The following GRIK3 variants were observed in gnomAD, a reference collection of about 807,000 sequenced individuals.
GRIK3 encodes glutamate receptor ionotropic, kainate 3.
GRIK3 carries 29 observed loss-of-function variants against 102.5 expected under a neutral mutation model. That is an observed-to-expected ratio of 0.28 (90% confidence interval 0.21 to 0.39). The LOEUF (loss-of-function observed/expected upper bound fraction) is 0.39. Among genes scored for constraint, GRIK3 ranks in the 10% least tolerant of loss-of-function variants. GRIK3 has a pLI of 1.00. For synonymous variants in GRIK3, 511 were observed against 504.9 expected, an observed-to-expected ratio of 1.01 and a Z score of -0.16; for missense variants, 908 against 1,252.4, an observed-to-expected ratio of 0.73 and a Z score of 4.15.
chr1:36,819,756 A>G lies in GRIK3; in HGVS notation c.1853T>C (p.Met618Thr), dbSNP rs767404523. The G allele has an allele frequency of 6.3e-7, 1 of 1,587,806 alleles. No homozygotes were observed. Among genetic ancestry groups the G allele is most frequent in the Non-Finnish European group, 8.6e-7 (1 of 1,156,348 alleles). The change falls in exon 12 of 16, where the codon ATG becomes ACG. Residue 618 changes from methionine to threonine, a missense_variant. This residue lies in a region of GRIK3 where 26 missense variants were observed against 64.8 expected (regional missense o/e 0.40). Coordinates refer to ENST00000373091, the MANE Select transcript of GRIK3 (RefSeq NM_000831.4). This position sits in a 1 kb window ranked among gnomAD's most constrained non-coding sequence, Gnocchi z 4.1. Reference sequence around the variant, plus strand: ...CATACCTTGCTGCATCAGGGATCCCATTCCAAACCAGAAGCTGTTAAGCAG... The same window carrying G: ...CATACCTTGCTGCATCAGGGATCCCGTTCCAAACCAGAAGCTGTTAAGCAG... Reference protein sequence around the residue: ...FTLLNSFWFGMGSLMQQGSEL... With the variant: ...FTLLNSFWFGTGSLMQQGSEL...
chr1:36,823,023 T>G (rs1031861375), intron 11 of GRIK3, among the ~76,000 whole-genome samples: 1 of 151,980 alleles, frequency 6.6e-6, no homozygotes, highest in Non-Finnish European at 1.5e-5. Context: ...TGCCCCAGAG[T>G]GGACCTGGGG....
At chr1:37,021,819 T>C (rs1365448024) in intron 1 of GRIK3, among the ~76,000 whole-genome samples, 1 of 152,136 alleles carries the variant, frequency 6.6e-6, no homozygotes, top group South Asian at 2.1e-4. Flanking sequence ...CTCAGTCACA[T>C]TGGTACAGTA....
chr1:36,824,382 C>T (rs1047523115), intron 11 of GRIK3, among the ~76,000 whole-genome samples: 1 of 152,220 alleles, frequency 6.6e-6, no homozygotes, highest in African/African-American at 2.4e-5. Flanking sequence ...ATGAAGGCCT[C>T]TCTGTGGCAG....
intron 1 of GRIK3, among the ~76,000 whole-genome samples, chr1:36,898,014 T>C (rs559834755): frequency 5.3e-4 from 81 of 152,198 alleles, no homozygotes; most frequent in African/African-American, 2.0e-3. Context: ...AATGAGGTCA[T>C]TATACTAAGT....
chr1:36,806,957 A>G lies in GRIK3; in HGVS notation c.2092-631T>C, dbSNP rs1178027482. On this transcript the variant is annotated intron_variant, in intron 13 of 15. Transcript: ENST00000373091. This position sits in a 1 kb window ranked among gnomAD's most constrained non-coding sequence, Gnocchi z 4.0. ...GTCCTGGGCCTCCCCTTTCACTTCA[A>G]CCAATGGAGGCCTCTTTTATGTCCT... 6.6e-6 allele frequency among the ~76,000 whole-genome samples: 1 copy of G among 151,990 alleles called. No homozygotes were observed. The highest frequency in any genetic ancestry group is 1.5e-5 in the Non-Finnish European group (1 of 68,008).
At chr1:37,014,653 C>T (rs1642632968) in intron 1 of GRIK3, among the ~76,000 whole-genome samples, 1 of 152,158 alleles carries the variant, frequency 6.6e-6, no homozygotes, top group African/African-American at 2.4e-5. Context: ...ACCCAGTGGC[C>T]TTTGCTGGGA....
intron 1 of GRIK3, among the ~76,000 whole-genome samples, chr1:36,928,725 C>G (rs1024862561): frequency 1.3e-5 from 2 of 152,196 alleles, no homozygotes; most frequent in Non-Finnish European, 2.9e-5. Context: ...AAAAAAAATC[C>G]CCCCAAACTT....
intron 1 of GRIK3, among the ~76,000 whole-genome samples, chr1:37,007,909 A>C (rs1231341418): frequency 6.6e-6 from 1 of 152,184 alleles, no homozygotes; most frequent in Non-Finnish European, 1.5e-5. Flanking sequence ...TGCAGGGAGC[A>C]TCATGAGCCC....
intron 2 of GRIK3, among the ~76,000 whole-genome samples, chr1:36,890,010 T>A (rs1641084211): frequency 6.6e-6 from 1 of 152,022 alleles, no homozygotes; most frequent in South Asian, 2.1e-4. Flanking sequence ...CTGCACAGGG[T>A]AGGCTGCAGG....
At chr1:36,999,431 G>C (rs1353759870) in intron 1 of GRIK3, among the ~76,000 whole-genome samples, 1 of 152,130 alleles carries the variant, frequency 6.6e-6, no homozygotes, top group Non-Finnish European at 1.5e-5. Flanking sequence ...ACAGGACACA[G>C]CATCTGACCT....
At chr1:36,863,208 G>C (rs1640745987) in intron 5 of GRIK3, among the ~76,000 whole-genome samples, 1 of 152,048 alleles carries the variant, frequency 6.6e-6, no homozygotes, top group African/African-American at 2.4e-5. Flanking sequence ...AGGCTACCCA[G>C]CTCCAGAGCC....
chr1:36,968,166 T>C (rs1642099354), intron 1 of GRIK3, among the ~76,000 whole-genome samples: 1 of 152,094 alleles, frequency 6.6e-6, no homozygotes, highest in Non-Finnish European at 1.5e-5. Context: ...AGCACTATTA[T>C]TCACTTCCTC....
chr1:36,808,908 T>C (rs902415407), intron 13 of GRIK3, among the ~76,000 whole-genome samples: 1 of 152,194 alleles, frequency 6.6e-6, no homozygotes, highest in Non-Finnish European at 1.5e-5. Context: ...AATCAAAGTA[T>C]CCTAGTCCAG....
chr1:36,999,404 C>T (rs1570855631), intron 1 of GRIK3, among the ~76,000 whole-genome samples: 1 of 152,210 alleles, frequency 6.6e-6, no homozygotes, highest in East Asian at 1.9e-4. Context: ...AGGTGAGCAC[C>T]AGGGCAGGTA....
At chr1:36,947,915 G>A (rs1188855265) in intron 1 of GRIK3, among the ~76,000 whole-genome samples, 1 of 151,810 alleles carries the variant, frequency 6.6e-6, no homozygotes, top group Admixed American at 6.6e-5. Context: ...GGCCATCTCC[G>A]TGGGTCACCC....
intron 1 of GRIK3, among the ~76,000 whole-genome samples, chr1:37,027,384 A>G (rs1193169479): frequency 1.3e-5 from 2 of 152,064 alleles, no homozygotes; most frequent in South Asian, 4.2e-4. Flanking sequence ...TTGTCTCTGG[A>G]GCACAAAGAT....
At chr1:36,816,643 C>T (rs1413712106) in intron 13 of GRIK3, among the ~76,000 whole-genome samples, 5 of 152,182 alleles carry the variant, frequency 3.3e-5, no homozygotes, top group Non-Finnish European at 7.3e-5. Context: ...TTTGGCCCTG[C>T]TGCTGTCTCC....
At chr1:36,945,067 C>T (rs554256951) in intron 1 of GRIK3, among the ~76,000 whole-genome samples, 13 of 152,340 alleles carry the variant, frequency 8.5e-5, no homozygotes, top group African/African-American at 3.1e-4. Flanking sequence ...CCCTGGCCGT[C>T]GGCCACACTG....
intron 10 of GRIK3, among the ~76,000 whole-genome samples, chr1:36,833,734 C>T (rs1640339558): frequency 6.6e-6 from 1 of 152,242 alleles, no homozygotes; most frequent in East Asian, 1.9e-4. Context: ...CACCTGCCAA[C>T]CCACCTGGAG....
Sources: allele counts gnomAD v4.1 joint callset (sites outside exome capture counted in the v4.1 genomes callset), GRCh38; gene constraint gnomAD v4.1.1; regional missense constraint gnomAD v4.1.1; non-coding constraint Gnocchi (gnomAD v3.1); transcripts MANE v1.5; gene names NCBI Gene and HGNC (gene_info 2026-07-23, HGNC 2026-07-21).